BACH2: variants seen among roughly 807,000 people sequenced by gnomAD.
BACH2 encodes BACH transcriptional regulator 2, also known as transcription regulator protein BACH2.
In BACH2, 5 loss-of-function variants were observed where a neutral mutation model predicts 61.8. The ratio of observed to expected loss-of-function variants is 0.08; its 90% confidence interval spans 0.04 to 0.17. The LOEUF is 0.17. Ranked by LOEUF, BACH2 falls within the 10% of genes least tolerant of loss-of-function variation. BACH2 has a pLI of 1.00. For synonymous variants in BACH2, 446 were observed against 440.1 expected, an observed-to-expected ratio of 1.01 and a Z score of -0.17; for missense variants, 824 against 1,091.1, an observed-to-expected ratio of 0.76 and a Z score of 3.45.
At chr6:90,295,391 C>A (rs1772311485) in intron 1 of BACH2, among the ~76,000 whole-genome samples, 1 of 152,210 alleles carries the variant, frequency 6.6e-6, no homozygotes, top group African/African-American at 2.4e-5. Context: ...CGCTTCCCCT[C>A]ACGGTCCGAG....
chr6:89,944,086 T>C (rs1181265483), intron 7 of BACH2, among the ~76,000 whole-genome samples: 2 of 152,228 alleles, frequency 1.3e-5, no homozygotes, highest in Non-Finnish European at 2.9e-5. Context: ...CCTCTTCTCA[T>C]GGTCCAGTTT....
intron 6 of BACH2, among the ~76,000 whole-genome samples, chr6:89,970,845 A>G (rs1457369084): frequency 6.6e-6 from 1 of 152,234 alleles, no homozygotes; most frequent in Admixed American, 6.5e-5. Context: ...ACAAGAACAC[A>G]AGATATTTCT....
intron 4 of BACH2, among the ~76,000 whole-genome samples, chr6:90,146,614 C>G (rs1784628827): frequency 6.6e-6 from 1 of 152,164 alleles, no homozygotes; most frequent in African/African-American, 2.4e-5. Flanking sequence ...GATGACTGGT[C>G]TCAACACACA....
intron 8 of BACH2, among the ~76,000 whole-genome samples, chr6:89,937,399 G>T (rs1773090411): frequency 3.3e-5 from 5 of 152,186 alleles, no homozygotes; most frequent in Admixed American, 3.3e-4. Flanking sequence ...CCCTTCTGCA[G>T]TTCCCTCCTC....
chr6:90,249,731 C>T (rs966459118), intron 3 of BACH2, among the ~76,000 whole-genome samples: 7 of 152,112 alleles, frequency 4.6e-5, no homozygotes, highest in Admixed American at 6.5e-5. Flanking sequence ...ACCATGATTG[C>T]GCTACTGCAC....
intron 4 of BACH2, among the ~76,000 whole-genome samples, chr6:90,148,437 T>C (rs886843769): frequency 5.9e-5 from 9 of 152,216 alleles, no homozygotes; most frequent in African/African-American, 9.6e-5. Flanking sequence ...TCTGAAAAGA[T>C]AGATACACAG....
Position 90,236,888 on chromosome 6 carries a change from A to G in BACH2, c.-275+15625T>C, listed in dbSNP as rs371295101. 9.9e-5 allele frequency among the ~76,000 whole-genome samples: 15 copies of G among 152,232 alleles called. No individual in the cohort carries two copies. The East Asian group carries it at 2.9e-3, about 30-fold the overall frequency. Reference sequence around the variant, plus strand: ...ACTATGTCCATGATTCCACTGTGAAATTGTACAAACCCATTCTCCAGGACT... The same window carrying G: ...ACTATGTCCATGATTCCACTGTGAAGTTGTACAAACCCATTCTCCAGGACT... On this transcript the variant is annotated intron_variant, in intron 3 of 8. Coordinates refer to ENST00000257749, the MANE Select transcript of BACH2 (RefSeq NM_021813.4).
At chr6:90,236,571 A>G (rs1335536203) in intron 3 of BACH2, among the ~76,000 whole-genome samples, 2 of 152,234 alleles carry the variant, frequency 1.3e-5, no homozygotes, top group African/African-American at 4.8e-5. Context: ...TAGAAAGAAC[A>G]TTTGGTTGGC....
At chr6:90,278,326 GA>G (rs750770875) in intron 1 of BACH2, among the ~76,000 whole-genome samples, 1 of 152,198 alleles carries the variant, frequency 6.6e-6, no homozygotes, top group Non-Finnish European at 1.5e-5. Context: ...TCTGCCCACT[GA>G]AATTCTACCC....
chr6:90,143,814 C>T (rs530353511), intron 4 of BACH2, among the ~76,000 whole-genome samples: 33 of 152,322 alleles, frequency 2.2e-4, no homozygotes, highest in Non-Finnish European at 3.8e-4. Context: ...ATGTGTCAGG[C>T]ACTGTCTCAG....
At chr6:90,115,204 A>C (rs1221985101) in intron 4 of BACH2, among the ~76,000 whole-genome samples, 1 of 152,188 alleles carries the variant, frequency 6.6e-6, no homozygotes, top group Admixed American at 6.6e-5. Flanking sequence ...AAAAGAGCCC[A>C]AATAGCCAAT....
chr6:90,115,171 T>C (rs544612254), intron 4 of BACH2, among the ~76,000 whole-genome samples: 1 of 152,172 alleles, frequency 6.6e-6, no homozygotes, highest in East Asian at 1.9e-4. Context: ...GAAAAAATTA[T>C]TTTAAAATTT....
chr6:90,184,804 T>C (rs1385625122), intron 4 of BACH2, among the ~76,000 whole-genome samples: 1 of 152,206 alleles, frequency 6.6e-6, no homozygotes, highest in Non-Finnish European at 1.5e-5. Context: ...ACTCAAGCAG[T>C]TGCCTATGGT....
At chr6:90,048,968 G>A (rs541355806) in intron 5 of BACH2, among the ~76,000 whole-genome samples, 1 of 152,312 alleles carries the variant, frequency 6.6e-6, no homozygotes, top group Non-Finnish European at 1.5e-5. Flanking sequence ...CAGGGTTCTA[G>A]TGAGGATTGT....
intron 5 of BACH2, among the ~76,000 whole-genome samples, chr6:90,050,314 GA>G (rs1211613181): frequency 1.3e-5 from 2 of 152,126 alleles, no homozygotes; most frequent in Admixed American, 6.5e-5. Context: ...AAAGTTCATT[GA>G]TATGGCTTTA....
intron 4 of BACH2, among the ~76,000 whole-genome samples, chr6:90,184,396 C>A (rs1768276369): frequency 6.6e-6 from 1 of 152,118 alleles, no homozygotes; most frequent in Non-Finnish European, 1.5e-5. Flanking sequence ...AAGGTAAGAG[C>A]TGGCAGAGGT....
intron 5 of BACH2, among the ~76,000 whole-genome samples, chr6:90,080,349 T>C (rs1781671909): frequency 6.6e-6 from 1 of 152,128 alleles, no homozygotes; most frequent in Non-Finnish European, 1.5e-5. Flanking sequence ...TTTCCTTCTG[T>C]GCATTTTTTC....
intron 4 of BACH2, among the ~76,000 whole-genome samples, chr6:90,100,414 A>G (rs1226119442): frequency 6.6e-6 from 1 of 152,142 alleles, no homozygotes; most frequent in Non-Finnish European, 1.5e-5. Context: ...TTTAGATGAG[A>G]TTAACATTTA....
chr6:90,147,020 GA>G (rs1156469359), intron 4 of BACH2, among the ~76,000 whole-genome samples: 1 of 151,604 alleles, frequency 6.6e-6, no homozygotes, highest in African/African-American at 2.4e-5. Context: ...AAATAAAAAA[GA>G]AAAAAATTTT....
Sources: allele counts gnomAD v4.1 joint callset (sites outside exome capture counted in the v4.1 genomes callset), GRCh38; gene constraint gnomAD v4.1.1; transcripts MANE v1.5; gene names NCBI Gene and HGNC (gene_info 2026-07-23, HGNC 2026-07-21).